Variants in EML4 observed in about 807,000 individuals in gnomAD.
EML4 encodes EMAP like 4, also known as echinoderm microtubule-associated protein-like 4.
A neutral mutation model predicts 129.0 loss-of-function variants in EML4; 72 were observed. The ratio of observed to expected loss-of-function variants is 0.56; its 90% CI spans 0.46 to 0.68. EML4 has a LOEUF of 0.68. Ranked by LOEUF, EML4 falls within the 30% of genes least tolerant of loss-of-function variation. The pLI is 0.00. For missense variants in EML4, 1,363 were observed against 1,190.6 expected, an observed-to-expected ratio of 1.14 and a Z score of -2.13; for synonymous variants, 532 against 405.0, an observed-to-expected ratio of 1.31 and a Z score of -3.77.
At chr2:42,200,286 C>A (rs2103956133) in intron 1 of EML4, among the ~76,000 whole-genome samples, 1 of 152,112 alleles carries the variant, frequency 6.6e-6, no homozygotes, top group African/African-American at 2.4e-5. Flanking sequence ...GATTGGGCCA[C>A]TGCACTCCAG....
chr2:42,275,554 C>T (rs1666609114), intron 6 of EML4, among the ~76,000 whole-genome samples: 1 of 152,314 alleles, frequency 6.6e-6, no homozygotes, highest in East Asian at 1.9e-4. Flanking sequence ...GGGAAATGAA[C>T]AACAGCCTTT....
At chr2:42,299,676 T>G (rs564055324) in intron 13 of EML4, among the ~76,000 whole-genome samples, 1 of 152,224 alleles carries the variant, frequency 6.6e-6, no homozygotes, top group East Asian at 1.9e-4. Flanking sequence ...TCACTTAGTT[T>G]TTTTTGTTTT....
intron 17 of EML4, among the ~76,000 whole-genome samples, chr2:42,312,574 G>A: frequency 7.0e-6 from 1 of 142,166 alleles, no homozygotes; most frequent in African/African-American, 2.7e-5. Context: ...TTTTTTTTTA[G>A]ACGGGGTCTT....
At chr2:42,305,999 G>T (rs1460375168) in intron 17 of EML4, among the ~76,000 whole-genome samples, 1 of 152,032 alleles carries the variant, frequency 6.6e-6, no homozygotes, top group African/African-American at 2.4e-5. Context: ...TCAGAATAAT[G>T]GAAAAATAGG....
intron 1 of EML4, among the ~76,000 whole-genome samples, chr2:42,232,367 C>T (rs1674402108): frequency 6.6e-6 from 1 of 152,174 alleles, no homozygotes; most frequent in Non-Finnish European, 1.5e-5. Context: ...CCTTAGGAAC[C>T]TCTAAGCAAT....
intron 16 of EML4, 32 bp downstream of exon 16, chr2:42,303,478 C>T (rs756726878): frequency 5.6e-6 from 9 of 1,603,604 alleles, no homozygotes; most frequent in South Asian, 1.1e-5. Flanking sequence ...TATTAACCTC[C>T]CCACAGAAAC....
chr2:42,252,783 A>G (rs552790079), intron 2 of EML4, among the ~76,000 whole-genome samples: 1 of 152,074 alleles, frequency 6.6e-6, no homozygotes, highest in South Asian at 2.1e-4. Flanking sequence ...TTATTCTTTA[A>G]GGCCTTATTC....
At chr2:42,183,029 T>TGATA (rs1671039647) in intron 1 of EML4, among the ~76,000 whole-genome samples, 1 of 151,864 alleles carries the variant, frequency 6.6e-6, no homozygotes. Context: ...GGTGGTGCAC[T>TGATA]CCTGTGATAC....
chr2:42,328,870 T>C lies in EML4; in HGVS notation c.2342-16T>C, dbSNP rs750044501. 6.3e-7 allele frequency: 1 copy of C among 1,577,502 alleles called. No homozygotes were observed. Among genetic ancestry groups the C allele is most frequent in the Non-Finnish European group, 8.6e-7 (1 of 1,159,682 alleles). On this transcript the variant is annotated splice_polypyrimidine_tract_variant and intron_variant, in intron 21 of 22. Coordinates refer to ENST00000318522, the MANE Select transcript of EML4 (RefSeq NM_019063.5). ...TTCAGCTAATTTTTCTGCATCCCTG[T>C]GTTTCCATATCAAAGGTGTCTGGCC...
intron 20 of EML4, chr2:42,325,913 AAT>A (rs1669786610): frequency 6.2e-6 from 1 of 160,348 alleles, no homozygotes. Context: ...GGCAGGGAGG[AAT>A]ATGATAGATG....
chr2:42,283,040 G>T (rs909223182), intron 8 of EML4, 68 bp downstream of exon 8: 2 of 1,394,058 alleles, frequency 1.4e-6, no homozygotes, highest in African/African-American at 2.9e-5. Flanking sequence ...TTTAAATTTG[G>T]GTTTTATTGA....
At chr2:42,193,093 G>A (rs1419228459) in intron 1 of EML4, among the ~76,000 whole-genome samples, 1 of 152,108 alleles carries the variant, frequency 6.6e-6, no homozygotes, top group East Asian at 1.9e-4. Flanking sequence ...ACATATGAGG[G>A]TATTTCCATA....
chr2:42,238,650 C>G (rs909773502), intron 1 of EML4, among the ~76,000 whole-genome samples: 1 of 151,952 alleles, frequency 6.6e-6, no homozygotes, highest in Non-Finnish European at 1.5e-5. Context: ...TAGGGTCTTA[C>G]TCTTTTGCCC....
At chr2:42,288,530 A>G in intron 11 of EML4, 1 of 306,434 alleles carries the variant, frequency 3.3e-6, no homozygotes. Flanking sequence ...AACTTGAAGC[A>G]ATTTCAATAT....
intron 9 of EML4, among the ~76,000 whole-genome samples, chr2:42,285,605 CT>C (rs368135466): frequency 2.4e-4 from 33 of 136,440 alleles, no homozygotes; most frequent in Admixed American, 2.9e-4. Flanking sequence ...TTCTTTTTTT[CT>C]TTTTTTTTTT....
In EML4 at chr2:42,241,024, T is replaced by G. The variant is rs555376116; in HGVS notation, c.26-4481T>G. On this transcript the variant is annotated intron_variant, in intron 1 of 22. Coordinates refer to ENST00000318522, the MANE Select transcript of EML4 (RefSeq NM_019063.5). ...CTGGGTGTGGTGGCATGCGCCTCTG[T>G]AATCTCCCAGCTACTCCGAGCCTCA... 2.7e-4 allele frequency among the ~76,000 whole-genome samples: 41 copies of G among 152,204 alleles called. 1 individual carries two copies. The highest frequency in any genetic ancestry group is 2.3e-3 in the Admixed American group (35 of 15,294).
chr2:42,260,327 C>T (rs1282797720), intron 3 of EML4, among the ~76,000 whole-genome samples: 2 of 152,150 alleles, frequency 1.3e-5, no homozygotes, highest in Non-Finnish European at 2.9e-5. Flanking sequence ...GCCACTGCGC[C>T]AAGCTAATTT....
chr2:42,225,508 T>G (rs530287460), intron 1 of EML4, among the ~76,000 whole-genome samples: 1 of 152,298 alleles, frequency 6.6e-6, no homozygotes, highest in East Asian at 1.9e-4. Flanking sequence ...ATTTTCACAT[T>G]TAGTAAGTCT....
At chr2:42,178,053 A>G (rs539319267) in intron 1 of EML4, among the ~76,000 whole-genome samples, 1 of 152,362 alleles carries the variant, frequency 6.6e-6, no homozygotes, top group South Asian at 2.1e-4. Context: ...AGAAGTAATC[A>G]TTGCGGGCTA....
Sources: gnomAD v4.1 joint callset for allele counts (sites outside exome capture counted in the v4.1 genomes callset) on GRCh38, gnomAD v4.1.1 for gene constraint, MANE v1.5 for transcripts, NCBI Gene and HGNC (gene_info 2026-07-23, HGNC 2026-07-21) for gene names.